XPO1: variants seen among roughly 807,000 people sequenced by gnomAD.
The protein encoded by XPO1 is exportin 1.
XPO1 carries 5 observed loss-of-function variants against 133.3 expected under a neutral mutation model. The observed-to-expected ratio is 0.04, with a 90% CI of 0.02 to 0.08. XPO1 has a LOEUF of 0.08. Among genes scored for constraint, XPO1 ranks in the 10% least tolerant of loss-of-function variants. The pLI is 1.00. For synonymous variants in XPO1, 419 were observed against 408.2 expected, an observed-to-expected ratio of 1.03 and a Z score of -0.32; for missense variants, 506 against 1,267.5, an observed-to-expected ratio of 0.40 and a Z score of 9.12.
chr2:61,529,313 A>C (rs1386550834), intron 2 of XPO1, among the ~76,000 whole-genome samples: 1 of 152,254 alleles, frequency 6.6e-6, no homozygotes, highest in Non-Finnish European at 1.5e-5. Context: ...ATTTCTGACA[A>C]AGATACCTTA....
chr2:61,515,850 G>A (rs142850365), intron 4 of XPO1, among the ~76,000 whole-genome samples: 13,306 of 150,516 alleles, frequency 0.088, 872 homozygotes, highest in East Asian at 0.3. Flanking sequence ...TTGGGAGGCC[G>A]AGGAGGGTGG....
chr2:61,513,366 T>C (rs1357825744), intron 4 of XPO1, among the ~76,000 whole-genome samples: 2 of 6,408 alleles, frequency 3.1e-4, no homozygotes, highest in African/African-American at 6.4e-4. Context: ...AGAATATCTT[T>C]TTTTTTTTTT....
At chr2:61,516,062 C>T (rs767523053) in intron 4 of XPO1, among the ~76,000 whole-genome samples, 34 of 150,834 alleles carry the variant, frequency 2.3e-4, no homozygotes, top group Middle Eastern at 6.9e-3. Flanking sequence ...GGAGGCTGAG[C>T]ATCCAGTGAC....
Position 61,482,548 on chromosome 2 carries a change from A to G in XPO1, c.2813-9T>C, listed in dbSNP as rs1410147082. On this transcript the variant is annotated splice_polypyrimidine_tract_variant and intron_variant, in intron 22 of 24. Transcript: ENST00000401558. ...TGCATGCATTGTTAAACCTGTTGAT[A>G]AGAAGAAAATTATTAACTCCAAAAT... 1.0e-5 allele frequency: 16 copies of G among 1,576,096 alleles called. No homozygotes were observed. Among genetic ancestry groups the G allele is most frequent in the Non-Finnish European group, 1.3e-5 (15 of 1,163,698 alleles).
At chr2:61,482,034 CTTTTTTTTT>C (rs1195049382) in intron 23 of XPO1, among the ~76,000 whole-genome samples, 5 of 71,366 alleles carry the variant, frequency 7.0e-5, no homozygotes, top group African/African-American at 9.8e-5. Context: ...CGTGCGTGGC[CTTTTTTTTT>C]TTTTTTTTTT....
At chr2:61,528,502 G>T (rs149689834) in intron 2 of XPO1, among the ~76,000 whole-genome samples, 1 of 151,578 alleles carries the variant, frequency 6.6e-6, no homozygotes, top group South Asian at 2.1e-4. Context: ...GAATGGTGGC[G>T]TGCGCCTATA....
At chr2:61,513,092 T>C (rs1045786764) in intron 4 of XPO1, among the ~76,000 whole-genome samples, 1 of 152,184 alleles carries the variant, frequency 6.6e-6, no homozygotes, top group African/African-American at 2.4e-5. Context: ...AGGGTCTTTG[T>C]CGCCCAGGCT....
intron 11 of XPO1, 117 bp from the exon 12 acceptor site, chr2:61,494,208 A>C: frequency 3.3e-6 from 3 of 922,208 alleles, no homozygotes; most frequent in Non-Finnish European, 4.8e-6. Context: ...ATCACAACTC[A>C]GATTTCAATA....
In XPO1 at chr2:61,492,549, T is replaced by C. The variant is rs777732358; in HGVS notation, c.1566+18A>G. On this transcript the variant is annotated intron_variant, in intron 14 of 24. Coordinates refer to ENST00000401558, the MANE Select transcript of XPO1 (RefSeq NM_003400.4). This position sits in a 1 kb window ranked among gnomAD's most constrained non-coding sequence, Gnocchi z 5.6. The stretch of plus-strand genomic sequence containing the variant: ...ATACTTATTTAGCAATTCTAATTCA[T>C]ACCTATCCCTTGCATACCTTTATAA... 3 of 1,604,582 alleles carry C rather than the reference T, an allele frequency of 1.9e-6. No individual in the cohort carries two copies. Among genetic ancestry groups the C allele is most frequent in the East Asian group, 2.2e-5 (1 of 44,818 alleles).
intron 4 of XPO1, among the ~76,000 whole-genome samples, chr2:61,516,588 A>G (rs1023309199): frequency 6.6e-6 from 1 of 151,404 alleles, no homozygotes; most frequent in Non-Finnish European, 1.5e-5. Flanking sequence ...CTAATTTTGT[A>G]TTTGTAGTAG....
chr2:61,497,014 A>G lies in XPO1; in HGVS notation c.760-7T>C, dbSNP rs1402393075. 3 of 1,603,552 alleles carry G rather than the reference A, an allele frequency of 1.9e-6. No homozygotes were observed. Among genetic ancestry groups the G allele is most frequent in the Non-Finnish European group, 1.7e-6 (2 of 1,177,132 alleles). ...ACATTGGAACATTCAGGAACTATTTAAAAGGGGGGAGGGAACCATAAAATT... is the reference window on the plus strand; with the variant it reads ...ACATTGGAACATTCAGGAACTATTTGAAAGGGGGGAGGGAACCATAAAATT... On this transcript the variant is annotated splice_polypyrimidine_tract_variant and splice_region_variant and intron_variant, in intron 9 of 24. Transcript: ENST00000401558.
intron 2 of XPO1, among the ~76,000 whole-genome samples, chr2:61,529,983 C>T (rs542109730): frequency 6.6e-6 from 1 of 152,244 alleles, no homozygotes; most frequent in South Asian, 2.1e-4. Context: ...GACTGATGGG[C>T]ATAATGTGTC....
chr2:61,491,457 CAA>C (rs1491501087), intron 16 of XPO1, among the ~76,000 whole-genome samples: 65 of 98,922 alleles, frequency 6.6e-4, no homozygotes, highest in African/African-American at 2.5e-3. Context: ...TCTCAAAAAA[CAA>C]ACACACACAC....
chr2:61,498,812 T>TAA lies in XPO1; in HGVS notation c.640-22_640-21dup. 6.2e-7 allele frequency: 1 copy of TAA among 1,611,642 alleles called. No homozygotes were observed. Among genetic ancestry groups the TAA allele is most frequent in the Non-Finnish European group, 8.5e-7 (1 of 1,179,198 alleles). On this transcript the variant is annotated intron_variant, in intron 8 of 24. Coordinates refer to ENST00000401558, the MANE Select transcript of XPO1 (RefSeq NM_003400.4). ...ATTTTCCTATAACAAAACACACTTG[T>TAA]AAATAATTGCTTTCCTATTATTGTT...
chr2:61,489,015 C>A (rs1403459019), intron 17 of XPO1, among the ~76,000 whole-genome samples: 1 of 151,788 alleles, frequency 6.6e-6, no homozygotes, highest in African/African-American at 2.4e-5. Flanking sequence ...GGCAGGAGAA[C>A]GGCGTGAACG....
rs771356727 is a variant in XPO1, at chr2:61,482,353, T to G, written c.2972+27A>C. On this transcript the variant is annotated intron_variant, in intron 23 of 24. Coordinates refer to ENST00000401558, the MANE Select transcript of XPO1 (RefSeq NM_003400.4). The stretch of plus-strand genomic sequence containing the variant: ...AGCCACTGTGCCCGACCAGGAACAT[T>G]CTACGTTTATTAAAAGGTATATTTA... 8.3e-6 allele frequency: 13 copies of G among 1,572,638 alleles called. No homozygotes were observed. In the South Asian group the frequency reaches 1.3e-4, roughly 16 times the overall value.
chr2:61,497,769 T>G (rs1203072337), intron 9 of XPO1, among the ~76,000 whole-genome samples: 1 of 152,180 alleles, frequency 6.6e-6, no homozygotes, highest in East Asian at 1.9e-4. Context: ...ATTAAAACCT[T>G]AAAATTAAAC....
chr2:61,486,056 G>GT (rs2104354203), intron 19 of XPO1, 94 bp from the exon 20 acceptor site: 1 of 1,162,142 alleles, frequency 8.6e-7, no homozygotes, highest in African/African-American at 1.7e-5. Flanking sequence ...GATGTAGCAT[G>GT]ATCATCTACT....
chr2:61,481,346 G>C (rs911051477), intron 23 of XPO1, 65 bp from the exon 24 acceptor site: 14 of 1,285,062 alleles, frequency 1.1e-5, no homozygotes, highest in Admixed American at 6.7e-5. Context: ...GTATTGCTCT[G>C]TCACCAGGCT....
Sources: gnomAD v4.1 joint callset for allele counts (sites outside exome capture counted in the v4.1 genomes callset) on GRCh38, gnomAD v4.1.1 for gene constraint, Gnocchi (gnomAD v3.1) non-coding constraint, MANE v1.5 for transcripts, NCBI Gene and HGNC (gene_info 2026-07-23, HGNC 2026-07-21) for gene names.